Variants in FOXP1 observed in about 807,000 individuals in gnomAD.
The protein encoded by FOXP1 is forkhead box P1.
FOXP1 carries 15 observed loss-of-function variants against 98.2 expected under a neutral mutation model. That is an observed-to-expected ratio of 0.15 (90% CI 0.10 to 0.24). The LOEUF (loss-of-function observed/expected upper bound fraction) is 0.24, where lower values mean the gene tolerates loss of function less well. Ranked by LOEUF, FOXP1 falls within the 10% of genes least tolerant of loss-of-function variation. FOXP1 has a pLI of 1.00. For missense variants in FOXP1, 633 were observed against 848.5 expected, an observed-to-expected ratio of 0.75 and a Z score of 3.15; for synonymous variants, 371 against 314.5, an observed-to-expected ratio of 1.18 and a Z score of -1.90.
At chr3:71,041,916 C>T (rs1201728957) in intron 10 of FOXP1, among the ~76,000 whole-genome samples, 1 of 152,084 alleles carries the variant, frequency 6.6e-6, no homozygotes. Context: ...ACTATTATGA[C>T]AACATGAACT....
At chr3:71,494,236 A>T (rs2091258534) in intron 2 of FOXP1, among the ~76,000 whole-genome samples, 1 of 152,174 alleles carries the variant, frequency 6.6e-6, no homozygotes, top group Non-Finnish European at 1.5e-5. Flanking sequence ...TCTCGATTCC[A>T]GTCTCTTCAC....
At chr3:71,511,630 T>G (rs535061909) in intron 2 of FOXP1, among the ~76,000 whole-genome samples, 3 of 152,374 alleles carry the variant, frequency 2.0e-5, no homozygotes, top group African/African-American at 7.2e-5. Context: ...TGGCCCTGTA[T>G]GAACACTGAC....
intron 6 of FOXP1, among the ~76,000 whole-genome samples, chr3:71,180,365 T>C (rs1438170637): frequency 6.6e-6 from 1 of 151,698 alleles, no homozygotes; most frequent in Non-Finnish European, 1.5e-5. Flanking sequence ...TAGGTACTAA[T>C]CCCATGGAAA....
At chr3:71,024,084 C>T (rs2045799797) in intron 11 of FOXP1, among the ~76,000 whole-genome samples, 1 of 152,140 alleles carries the variant, frequency 6.6e-6, no homozygotes, top group Non-Finnish European at 1.5e-5. Flanking sequence ...CAATCTCTTG[C>T]AGAAAACAGA....
chr3:71,430,252 C>T (rs1012771948), intron 3 of FOXP1, among the ~76,000 whole-genome samples: 4 of 152,122 alleles, frequency 2.6e-5, no homozygotes, highest in East Asian at 1.9e-4. Flanking sequence ...TAACTCAATC[C>T]GACGGTCCTT....
At chr3:71,515,874 C>T (rs896262608) in intron 2 of FOXP1, among the ~76,000 whole-genome samples, 2 of 152,148 alleles carry the variant, frequency 1.3e-5, no homozygotes, top group African/African-American at 4.8e-5. Context: ...AAGGAAGGAA[C>T]AAGGGTCAGA....
At chr3:71,396,526 G>A (rs907410037) in intron 3 of FOXP1, among the ~76,000 whole-genome samples, 1 of 151,970 alleles carries the variant, frequency 6.6e-6, no homozygotes, top group South Asian at 2.1e-4. Context: ...GGCTTGTCCC[G>A]TGGGAACAAG....
At chr3:71,027,952 G>A (rs1000569103) in intron 11 of FOXP1, among the ~76,000 whole-genome samples, 7 of 152,052 alleles carry the variant, frequency 4.6e-5, no homozygotes, top group Non-Finnish European at 7.4e-5. Context: ...TTCTCTAGTT[G>A]GGGAGACAGT....
chr3:71,181,815 G>T (rs542230326), intron 6 of FOXP1, among the ~76,000 whole-genome samples: 1 of 152,188 alleles, frequency 6.6e-6, no homozygotes, highest in Non-Finnish European at 1.5e-5. Flanking sequence ...GACGGATGAT[G>T]AGGTCAGGAG....
intron 6 of FOXP1, among the ~76,000 whole-genome samples, chr3:71,149,100 A>T (rs570255464): frequency 6.6e-6 from 1 of 152,328 alleles, no homozygotes; most frequent in East Asian, 1.9e-4. Context: ...CAGGCGCTGA[A>T]GACAAAGTAG....
At chr3:71,143,910 A>T (rs1368249624) in intron 6 of FOXP1, among the ~76,000 whole-genome samples, 1 of 152,206 alleles carries the variant, frequency 6.6e-6, no homozygotes, top group Non-Finnish European at 1.5e-5. Context: ...GTAAATATAT[A>T]AAAATATGTT....
intron 3 of FOXP1, among the ~76,000 whole-genome samples, chr3:71,442,861 G>A (rs1251022690): frequency 1.3e-5 from 2 of 151,530 alleles, no homozygotes; most frequent in Non-Finnish European, 2.9e-5. Context: ...TCCAGCACCT[G>A]CAGTTTTTAT....
intron 5 of FOXP1, among the ~76,000 whole-genome samples, chr3:71,262,717 G>A (rs2069277981): frequency 6.6e-6 from 1 of 152,154 alleles, no homozygotes; most frequent in Non-Finnish European, 1.5e-5. Flanking sequence ...TGGATTTGGA[G>A]GAGAGATTTC....
In FOXP1 at chr3:71,230,703, CTG is replaced by C. The variant is rs565551062; in HGVS notation, c.-11-32313_-11-32312del. On this transcript the variant is annotated intron_variant, in intron 5 of 20. Coordinates refer to ENST00000649528, the MANE Select transcript of FOXP1 (RefSeq NM_001349338.3). ...CATAAACTCAAGAGTACAGGGCTCA[CTG>C]TGAATTCTCAAAACTGGGAAGAGCC... Among the ~76,000 whole-genome samples the C allele has an allele frequency of 1.1e-4, 16 of 152,316 alleles. 1 individual carries two copies. In the South Asian group the frequency reaches 2.5e-3, roughly 24 times the overall value.
chr3:71,370,959 G>A (rs1382371286), intron 3 of FOXP1, among the ~76,000 whole-genome samples: 2 of 151,822 alleles, frequency 1.3e-5, no homozygotes, highest in Non-Finnish European at 1.5e-5. Flanking sequence ...ACGCCACGAC[G>A]CCCAGCTAAT....
intron 2 of FOXP1, among the ~76,000 whole-genome samples, chr3:71,519,745 T>C (rs1331935876): frequency 6.6e-6 from 1 of 152,228 alleles, no homozygotes; most frequent in Non-Finnish European, 1.5e-5. Flanking sequence ...AAGAATGATA[T>C]TGTGGTGTAA....
chr3:71,544,820 A>G (rs1380884691), intron 2 of FOXP1, among the ~76,000 whole-genome samples: 1 of 147,238 alleles, frequency 6.8e-6, no homozygotes, highest in Middle Eastern at 3.2e-3. Context: ...TTTCCAGGCA[A>G]TGAGGGTAGT....
intron 3 of FOXP1, among the ~76,000 whole-genome samples, chr3:71,429,717 A>T (rs1043329002): frequency 5.9e-5 from 9 of 152,232 alleles, no homozygotes. Context: ...AATTTGGTGA[A>T]ACCCTCAAAA....
intron 1 of FOXP1, 105 bp downstream of exon 1, chr3:71,583,466 T>C: frequency 3.1e-6 from 1 of 326,650 alleles, no homozygotes; most frequent in Non-Finnish European, 4.2e-6. Context: ...TCTTTCTTTC[T>C]TTTTTTTTTT....
Sources: allele counts gnomAD v4.1 joint callset (sites outside exome capture counted in the v4.1 genomes callset), GRCh38; gene constraint gnomAD v4.1.1; transcripts MANE v1.5; gene names NCBI Gene and HGNC (gene_info 2026-07-23, HGNC 2026-07-21).